Variants in WNT7B observed in about 807,000 individuals in gnomAD.
The protein encoded by WNT7B is protein Wnt-7b.
WNT7B carries 19 observed loss-of-function variants against 38.2 expected under a neutral mutation model. The observed-to-expected ratio is 0.50, with a 90% CI of 0.35 to 0.73. The LOEUF is 0.73. Among genes scored for constraint, WNT7B ranks in the 30% least tolerant of loss-of-function variants. WNT7B has a pLI of 0.01. For synonymous variants in WNT7B, 243 were observed against 209.3 expected (o/e 1.16, Z -1.39); for missense variants, 423 against 507.9 (o/e 0.83, Z 1.61).
intron 1 of WNT7B, among the ~76,000 whole-genome samples, chr22:45,970,547 C>G (rs1483986451): frequency 6.6e-6 from 1 of 151,912 alleles, no homozygotes; most frequent in African/African-American, 2.4e-5. Flanking sequence ...CCAACCCCCC[C>G]ACTTCCCTTG....
intron 1 of WNT7B, among the ~76,000 whole-genome samples, chr22:45,968,037 CTG>C: frequency 6.6e-6 from 1 of 152,292 alleles, no homozygotes; most frequent in South Asian, 2.1e-4. Context: ...AGCCTCTTCT[CTG>C]GATCCTGGCA....
At chr22:45,931,521 A>C (rs1364235280) in intron 2 of WNT7B, 152 bp from the exon 3 acceptor site, 2 of 965,906 alleles carry the variant, frequency 2.1e-6, no homozygotes, top group Non-Finnish European at 1.5e-6. Flanking sequence ...TGACTCACCA[A>C]AGCGGGGCTG....
At chr22:45,948,477 A>G (rs1931849003) in intron 2 of WNT7B, among the ~76,000 whole-genome samples, 1 of 152,154 alleles carries the variant, frequency 6.6e-6, no homozygotes, top group African/African-American at 2.4e-5. Flanking sequence ...GCCCTGCAGA[A>G]CCTAGGTCTG....
In WNT7B at chr22:45,923,945, G is replaced by A. The variant is rs922247604; in HGVS notation, c.571-610C>T. ...GGCATGCTGAGAAGCCGACAGCCCC[G>A]GCCCGCCCGCTGTTCTTTCTCCCCA... On this transcript the variant is annotated intron_variant, in intron 3 of 3. Transcript: ENST00000339464. Among the ~76,000 whole-genome samples, 6 of 152,204 alleles carry A rather than the reference G, an allele frequency of 3.9e-5. No homozygotes were observed. The East Asian group carries it at 5.8e-4, about 15-fold the overall frequency.
At chr22:45,929,878 ATCT>A (rs1931269820) in intron 3 of WNT7B, among the ~76,000 whole-genome samples, 2 of 143,748 alleles carry the variant, frequency 1.4e-5, no homozygotes, top group African/African-American at 5.9e-5. Context: ...CCATCCAACC[ATCT>A]ACCCACTCAT....
chr22:45,959,437 G>GA (rs1464321744), intron 1 of WNT7B, among the ~76,000 whole-genome samples: 2 of 152,150 alleles, frequency 1.3e-5, no homozygotes, highest in Non-Finnish European at 2.9e-5. Context: ...AGTCGCCCTC[G>GA]AGAGGGCACA....
chr22:45,927,656 G>A, intron 3 of WNT7B: 1 of 745,512 alleles, frequency 1.3e-6, no homozygotes, highest in Non-Finnish European at 2.4e-6. Flanking sequence ...AGCACTTTGG[G>A]AGGCCGAGGC....
intron 1 of WNT7B, among the ~76,000 whole-genome samples, chr22:45,950,360 C>T (rs950528050): frequency 3.9e-5 from 6 of 152,238 alleles, no homozygotes; most frequent in African/African-American, 9.6e-5. Flanking sequence ...AACTCACACG[C>T]GTGACCCCAG....
intron 1 of WNT7B, chr22:45,954,742 C>T (rs1164333001): frequency 2.0e-6 from 2 of 985,270 alleles, no homozygotes; most frequent in Non-Finnish European, 2.4e-6. Flanking sequence ...AAATTGTCTC[C>T]CTTACTAAGT....
intron 1 of WNT7B, chr22:45,972,116 G>GGGGGGGCCCC: frequency 1.9e-6 from 1 of 530,732 alleles, no homozygotes; most frequent in African/African-American, 2.1e-5. Context: ...CCCGGGGGGA[G>GGGGGGGCCCC]CCCACCCGCC....
chr22:45,927,380 ACT>A (rs1324671186), intron 3 of WNT7B: 14 of 1,506,150 alleles, frequency 9.3e-6, no homozygotes, highest in South Asian at 1.3e-5. Context: ...GGGCCTCCAG[ACT>A]CTGCCCATCT....
intron 3 of WNT7B, among the ~76,000 whole-genome samples, chr22:45,929,377 C>T (rs1273273672): frequency 1.3e-5 from 2 of 150,684 alleles, no homozygotes; most frequent in South Asian, 2.1e-4. Context: ...TTCACCCATC[C>T]ACCCACTCAC....
At chr22:45,971,907 C>T (rs980889476) in intron 1 of WNT7B, among the ~76,000 whole-genome samples, 1 of 152,180 alleles carries the variant, frequency 6.6e-6, no homozygotes, top group Non-Finnish European at 1.5e-5. Context: ...GCAGTCGAGC[C>T]GCTCTCAGGC....
chr22:45,977,129 T>C lies in WNT7B; in HGVS notation c.-375A>G, dbSNP rs1011411577. ...CCTCGCCGAGCGCCGCGGCGGCCAA[T>C]GTGTCCGCACTTGTCGGCCGCCCCA... On this transcript the variant is annotated 5_prime_UTR_variant, in exon 1 of 4. Coordinates refer to ENST00000339464, the MANE Select transcript of WNT7B (RefSeq NM_058238.3). The C allele has an allele frequency of 8.1e-6, 5 of 619,732 alleles. No individual in the cohort carries two copies. Among genetic ancestry groups the C allele is most frequent in the African/African-American group, 2.0e-5 (1 of 49,816 alleles). The allele number at this position is 619,732 out of a possible 1,614,324, so 38.4% of individuals were successfully genotyped here.
In WNT7B at chr22:45,968,548, G is replaced by A. The variant is rs117103454; in HGVS notation, c.71+8136C>T. ...CTCACGGGAAACCATGTTAGAAAAC[G>A]GCGCATTATCCTACAGGCCTCAGTG... On this transcript the variant is annotated intron_variant, in intron 1 of 3. Coordinates refer to ENST00000339464, the MANE Select transcript of WNT7B (RefSeq NM_058238.3). Among the ~76,000 whole-genome samples the A allele has an allele frequency of 1.5e-4, 23 of 152,302 alleles. No individual in the cohort carries two copies. The South Asian group carries it at 1.9e-3, about 12-fold the overall frequency.
At chr22:45,926,327 G>T (rs1601713954) in intron 3 of WNT7B, 1 of 985,452 alleles carries the variant, frequency 1.0e-6, no homozygotes, top group Non-Finnish European at 1.2e-6. Flanking sequence ...CAGGGGAGCT[G>T]CAGGCTGCCG....
intron 1 of WNT7B, among the ~76,000 whole-genome samples, chr22:45,962,866 G>A (rs9330807): frequency 6.6e-6 from 1 of 152,108 alleles, no homozygotes; most frequent in Non-Finnish European, 1.5e-5. Context: ...ATGGGTGGGT[G>A]GACAGACAGG....
intron 2 of WNT7B, chr22:45,935,847 C>T (rs1931501845): frequency 2.0e-6 from 2 of 985,378 alleles, no homozygotes; most frequent in South Asian, 4.7e-5. Context: ...CTGAGCTCAG[C>T]AGCTGCCCTA....
intron 2 of WNT7B, among the ~76,000 whole-genome samples, chr22:45,948,159 C>T (rs944051534): frequency 5.9e-5 from 9 of 152,216 alleles, no homozygotes; most frequent in Admixed American, 2.6e-4. Flanking sequence ...GGGGCTCGGC[C>T]GGGAGGCAGG....
Sources: allele counts gnomAD v4.1 joint callset (sites outside exome capture counted in the v4.1 genomes callset), GRCh38; gene constraint gnomAD v4.1.1; transcripts MANE v1.5; gene names NCBI Gene and HGNC (gene_info 2026-07-23, HGNC 2026-07-21).